GRIP1: variants seen among roughly 807,000 people sequenced by gnomAD.
GRIP1 encodes the protein glutamate receptor-interacting protein 1.
In GRIP1, 45 loss-of-function variants were observed where a neutral mutation model predicts 129.9. That is an observed-to-expected ratio of 0.35 (90% CI 0.27 to 0.44). GRIP1 has a LOEUF of 0.44. Ranked by LOEUF, GRIP1 falls within the 20% of genes least tolerant of loss-of-function variation. GRIP1 has a pLI of 1.00. For missense variants in GRIP1, 1,196 were observed against 1,396.8 expected (o/e 0.86, Z 2.29); for synonymous variants, 530 against 520.8 (o/e 1.02, Z -0.24).
intron 1 of GRIP1, among the ~76,000 whole-genome samples, chr12:66,891,670 A>C (rs1465628458): frequency 2.0e-5 from 3 of 152,198 alleles, no homozygotes; most frequent in Non-Finnish European, 4.4e-5. Context: ...AAGGATAAAA[A>C]CCATAAAATT....
intron 1 of GRIP1, among the ~76,000 whole-genome samples, chr12:66,756,171 T>G (rs924641706): frequency 2.0e-5 from 3 of 152,148 alleles, no homozygotes; most frequent in African/African-American, 7.2e-5. Flanking sequence ...CCATGCCCAC[T>G]GAGCACCAAA....
At chr12:67,058,232 A>G (rs1168769741) in intron 1 of GRIP1, among the ~76,000 whole-genome samples, 1 of 152,200 alleles carries the variant, frequency 6.6e-6, no homozygotes. Flanking sequence ...TAATGTACCA[A>G]TAGGTGAAAA....
rs527379972 is a variant in GRIP1 at position 66,625,018 on chromosome 12, T to C, written c.56-28091A>G. Among the ~76,000 whole-genome samples the C allele has an allele frequency of 1.0e-3, 153 of 150,498 alleles. 1 individual carries two copies. The highest frequency in any genetic ancestry group is 3.3e-3 in the Admixed American group (50 of 15,080). ...TTCAGTTCCTTTTTTTTTTTTTAAA[T>C]AGGTTTGGTGTAGGTGGTAAGCTTG... On this transcript the variant is annotated intron_variant, in intron 1 of 24. Transcript: ENST00000359742.
chr12:66,780,010 C>G (rs1294360271), intron 1 of GRIP1, among the ~76,000 whole-genome samples: 3 of 152,004 alleles, frequency 2.0e-5, no homozygotes, highest in Non-Finnish European at 4.4e-5. Context: ...AGGGAAGGAG[C>G]GGGAGATATG....
At chr12:66,965,849 TC>T (rs2041990912) in intron 1 of GRIP1, among the ~76,000 whole-genome samples, 1 of 152,104 alleles carries the variant, frequency 6.6e-6, no homozygotes, top group Non-Finnish European at 1.5e-5. Flanking sequence ...ATAACAGAAT[TC>T]CCCAGAGTTT....
intron 13 of GRIP1, among the ~76,000 whole-genome samples, chr12:66,439,524 A>G (rs2138049966): frequency 6.6e-6 from 1 of 152,202 alleles, no homozygotes; most frequent in African/African-American, 2.4e-5. Context: ...ACAGTAGTGT[A>G]GTGTAGTGTA....
chr12:66,684,254 C>T (rs2034695473), intron 1 of GRIP1, among the ~76,000 whole-genome samples: 1 of 152,146 alleles, frequency 6.6e-6, no homozygotes, highest in African/African-American at 2.4e-5. Flanking sequence ...TTGGTTTGGT[C>T]AGAGAAATCA....
intron 1 of GRIP1, among the ~76,000 whole-genome samples, chr12:66,603,710 T>A (rs1488629105): frequency 6.6e-6 from 1 of 152,238 alleles, no homozygotes; most frequent in African/African-American, 2.4e-5. Context: ...AGGCCTGCAA[T>A]GATCAAATTG....
At chr12:66,862,272 T>G (rs1373778520) in intron 1 of GRIP1, among the ~76,000 whole-genome samples, 3 of 152,052 alleles carry the variant, frequency 2.0e-5, no homozygotes, top group Admixed American at 2.0e-4. Flanking sequence ...ATAAAGTATC[T>G]TATAGGTACT....
chr12:66,543,653 T>C (rs1463675632), intron 2 of GRIP1, among the ~76,000 whole-genome samples: 4 of 152,144 alleles, frequency 2.6e-5, no homozygotes, highest in African/African-American at 9.7e-5. Context: ...GGCAGAAGGC[T>C]AGGTATAAAT....
chr12:66,843,506 CA>C (rs984136829), intron 1 of GRIP1, among the ~76,000 whole-genome samples: 1 of 151,986 alleles, frequency 6.6e-6, no homozygotes, highest in Non-Finnish European at 1.5e-5. Flanking sequence ...TAAATACAAA[CA>C]ATCATGAAAA....
At chr12:66,401,600 A>G (rs150097233) in intron 16 of GRIP1, among the ~76,000 whole-genome samples, 2,432 of 19,230 alleles carry the variant, frequency 0.13, 130 homozygotes, top group Middle Eastern at 0.44. Flanking sequence ...ATATGTGTGT[A>G]TATATATATA....
chr12:66,452,005 T>A (rs2058821742), intron 11 of GRIP1, among the ~76,000 whole-genome samples: 1 of 152,228 alleles, frequency 6.6e-6, no homozygotes, highest in Non-Finnish European at 1.5e-5. Context: ...TCAATGGCAC[T>A]CTCTCTAATA....
rs10582806 is a variant in GRIP1, at chr12:66,589,194, TTCTCTCTCTCTCTC to T, written c.136+7639_136+7652del. Among the ~76,000 whole-genome samples the T allele has an allele frequency of 8.4e-5, 8 of 95,604 alleles. No homozygotes were observed. In the South Asian group the frequency reaches 2.8e-3, roughly 33 times the overall value. 62.7% of individuals were successfully genotyped at this position (95,604 alleles called of 152,430 possible). On this transcript the variant is annotated intron_variant, in intron 2 of 24. Transcript: ENST00000359742. ...TGTATAATTATTCCCCTCCCCCACC[TTCTCTCTCTCTCTC>T]TCTCTCTCTCTCTCTCTCTGTCTGT...
At chr12:66,484,148 T>G (rs11176220) in intron 7 of GRIP1, among the ~76,000 whole-genome samples, 7 of 152,136 alleles carry the variant, frequency 4.6e-5, no homozygotes, top group Non-Finnish European at 8.8e-5. Flanking sequence ...CGTGAGCCAC[T>G]GCGCCCGGCC....
chr12:67,008,290 A>G (rs12812439), intron 1 of GRIP1, among the ~76,000 whole-genome samples: 64 of 152,116 alleles, frequency 4.2e-4, no homozygotes, highest in Non-Finnish European at 7.8e-4. Context: ...GAAAGAAAAT[A>G]TGCAGAAATA....
rs1186145900 is a variant in GRIP1, at chr12:66,970,597, T to C, written c.58+98453A>G. 2.4e-5 allele frequency among the ~76,000 whole-genome samples: 3 copies of C among 123,306 alleles called. No individual in the cohort carries two copies. The East Asian group carries it at 9.5e-4, about 39-fold the overall frequency. The allele number at this position is 123,306 out of a possible 152,430, so 80.9% of individuals were successfully genotyped here. A position where few individuals can be genotyped will look rare whatever the true frequency, so the allele number is the denominator to read the frequency against. ...GTCTTTGGACTTTCCTGAGACCCCC[T>C]CTCCTTGGCCAGCCAGTGTCTGTCT... is the stretch of plus-strand genomic sequence containing the variant. On this transcript the variant is annotated intron_variant, in intron 1 of 1. Transcript: ENST00000643019.
At chr12:66,832,851 G>A (rs1350583245) in intron 1 of GRIP1, among the ~76,000 whole-genome samples, 1 of 152,140 alleles carries the variant, frequency 6.6e-6, no homozygotes, top group African/African-American at 2.4e-5. Flanking sequence ...TCTAACAGGT[G>A]GTTCCCAGTG....
At chr12:67,049,295 G>A (rs1241810057) in intron 1 of GRIP1, among the ~76,000 whole-genome samples, 1 of 152,118 alleles carries the variant, frequency 6.6e-6, no homozygotes, top group Non-Finnish European at 1.5e-5. Context: ...TTGAGGACAG[G>A]TCTAAGCCCA....
Sources: gnomAD v4.1 joint callset for allele counts (sites outside exome capture counted in the v4.1 genomes callset) on GRCh38, gnomAD v4.1.1 for gene constraint, MANE v1.5 for transcripts, NCBI Gene and HGNC (gene_info 2026-07-23, HGNC 2026-07-21) for gene names.